The following BBX variants were observed in gnomAD, a reference collection of about 807,000 sequenced individuals.
BBX encodes the protein BBX high mobility group box domain containing.
In BBX, 30 loss-of-function variants were observed where a neutral mutation model predicts 100.2. That is an observed-to-expected ratio of 0.30 (90% CI 0.22 to 0.41). The LOEUF is 0.41. Ranked by LOEUF, BBX falls within the 10% of genes least tolerant of loss-of-function variation. The pLI is 1.00. For missense variants in BBX, 1,023 were observed against 1,129.8 expected, an observed-to-expected ratio of 0.91 and a Z score of 1.35; for synonymous variants, 376 against 388.1, an observed-to-expected ratio of 0.97 and a Z score of 0.37.
At chr3:107,563,807 G>A (rs2050683899) in intron 2 of BBX, among the ~76,000 whole-genome samples, 1 of 152,164 alleles carries the variant, frequency 6.6e-6, no homozygotes, top group Non-Finnish European at 1.5e-5. Context: ...TACAGGGCCT[G>A]ACATGTATTA....
intron 2 of BBX, among the ~76,000 whole-genome samples, chr3:107,590,012 C>T (rs1576416574): frequency 1.3e-5 from 2 of 151,460 alleles, no homozygotes; most frequent in African/African-American, 4.9e-5. Flanking sequence ...TTTTTTTTTA[C>T]CCCAAGAATA....
At chr3:107,618,697 C>G (rs1236630180) in intron 2 of BBX, among the ~76,000 whole-genome samples, 1 of 151,812 alleles carries the variant, frequency 6.6e-6, no homozygotes, top group Non-Finnish European at 1.5e-5. Flanking sequence ...GGGGTATTTT[C>G]CTGTTTTCTT....
intron 2 of BBX, among the ~76,000 whole-genome samples, chr3:107,590,346 A>T (rs2053214380): frequency 6.6e-6 from 1 of 152,138 alleles, no homozygotes; most frequent in South Asian, 2.1e-4. Context: ...AGATCAGCGT[A>T]GTTGGGATAT....
chr3:107,613,941 GTTT>G (rs533672871), intron 2 of BBX, among the ~76,000 whole-genome samples: 4 of 86,544 alleles, frequency 4.6e-5, no homozygotes, highest in African/African-American at 1.2e-4. Flanking sequence ...ACATACCATG[GTTT>G]TTTTTTTTTT....
chr3:107,666,204 G>C (rs71319269), intron 3 of BBX, among the ~76,000 whole-genome samples: 14,785 of 152,168 alleles, frequency 0.097, 845 homozygotes, highest in Non-Finnish European at 0.12. Context: ...TTAATTCTCT[G>C]TAGACTGTAA....
At chr3:107,590,608 C>T (rs927318495) in intron 2 of BBX, among the ~76,000 whole-genome samples, 1 of 152,214 alleles carries the variant, frequency 6.6e-6, no homozygotes, top group Non-Finnish European at 1.5e-5. Context: ...GAACTATACA[C>T]ATCTATCTTA....
chr3:107,596,913 T>C (rs2053702920), intron 2 of BBX, among the ~76,000 whole-genome samples: 1 of 152,208 alleles, frequency 6.6e-6, no homozygotes, highest in African/African-American at 2.4e-5. Context: ...TTTCACTCTG[T>C]AATGGCACTT....
At chr3:107,680,670 C>G (rs1030410110) in intron 3 of BBX, among the ~76,000 whole-genome samples, 1 of 152,134 alleles carries the variant, frequency 6.6e-6, no homozygotes, top group Non-Finnish European at 1.5e-5. Context: ...TTTTTAAAAG[C>G]TTCTTCGATT....
At chr3:107,772,121 C>G (rs1429597730) in intron 10 of BBX, among the ~76,000 whole-genome samples, 1 of 152,010 alleles carries the variant, frequency 6.6e-6, no homozygotes, top group Non-Finnish European at 1.5e-5. Context: ...ATTTGAAACA[C>G]TTTCGTTTTC....
intron 15 of BBX, among the ~76,000 whole-genome samples, chr3:107,795,948 C>G (rs1227846718): frequency 6.6e-6 from 1 of 152,192 alleles, no homozygotes; most frequent in Non-Finnish European, 1.5e-5. Flanking sequence ...AAAAACAGTG[C>G]TAGTCACAGG....
intron 2 of BBX, among the ~76,000 whole-genome samples, chr3:107,613,945 T>C (rs1442800220): frequency 1.8e-5 from 2 of 112,730 alleles, no homozygotes; most frequent in African/African-American, 9.2e-5. Context: ...ACCATGGTTT[T>C]TTTTTTTTTT....
In BBX at chr3:107,723,916, G is replaced by A. The variant is rs532851702; in HGVS notation, c.406-4849G>A. ...AGCAGCACGATTTATATTCCTTTGG[G>A]TATATACCCAGTAATGGGATGGCTG... On this transcript the variant is annotated intron_variant, in intron 5 of 17. Coordinates refer to ENST00000325805, the MANE Select transcript of BBX (RefSeq NM_001142568.3). Among the ~76,000 whole-genome samples the A allele has an allele frequency of 4.1e-4, 62 of 152,240 alleles. 1 individual carries two copies. Among genetic ancestry groups the A allele is most frequent in the South Asian group, 1.9e-3 (9 of 4,826 alleles).
At chr3:107,777,190 G>C (rs2067388667) in intron 12 of BBX, among the ~76,000 whole-genome samples, 1 of 152,006 alleles carries the variant, frequency 6.6e-6, no homozygotes, top group Admixed American at 6.6e-5. Context: ...GCATGTATAG[G>C]AACAAACGTA....
At chr3:107,684,092 C>A (rs2059711100) in intron 3 of BBX, among the ~76,000 whole-genome samples, 2 of 152,314 alleles carry the variant, frequency 1.3e-5, no homozygotes, top group Admixed American at 6.5e-5. Context: ...CATTAAAAGA[C>A]CCCAGATGGA....
At chr3:107,697,910 T>G (rs565273278) in intron 3 of BBX, among the ~76,000 whole-genome samples, 1 of 151,938 alleles carries the variant, frequency 6.6e-6, no homozygotes, top group Non-Finnish European at 1.5e-5. Flanking sequence ...TGCGCCATTT[T>G]TTAAGCTCGT....
intron 3 of BBX, among the ~76,000 whole-genome samples, chr3:107,673,053 T>C (rs1320598904): frequency 6.6e-6 from 1 of 152,074 alleles, no homozygotes; most frequent in African/African-American, 2.4e-5. Context: ...GGGAGTTAAA[T>C]TGGATAATCT....
chr3:107,692,767 C>A (rs1462753343), intron 3 of BBX, among the ~76,000 whole-genome samples: 1 of 149,724 alleles, frequency 6.7e-6, no homozygotes, highest in Non-Finnish European at 1.5e-5. Context: ...CCTGAGGAAT[C>A]GCCACGCTGA....
rs774412528 is a variant in BBX at position 107,773,374 on chromosome 3, A to C, written c.1653A>C (p.Arg551Ser). 3 of 1,613,906 alleles carry C rather than the reference A, an allele frequency of 1.9e-6. No individual in the cohort carries two copies. In the African/African-American group the frequency reaches 4.0e-5, roughly 22 times the overall value. Reference sequence around the variant, plus strand: ...CCTCAGACACCACCAAAGAGTCAAGACCTCCAGATTTCATTAGTATTTCTG... The same window carrying C: ...CCTCAGACACCACCAAAGAGTCAAGCCCTCCAGATTTCATTAGTATTTCTG... ...EKSSDTTKES[R>S]PPDFISISAS... Residue 551 changes from arginine to serine, a missense_variant, in exon 11 of 18, where the codon AGA becomes AGC. This residue lies in a region of BBX where 348 missense variants were observed against 353.2 expected (regional missense o/e 0.99). Coordinates refer to ENST00000325805, the MANE Select transcript of BBX (RefSeq NM_001142568.3). This position sits in a 1 kb window ranked among gnomAD's most constrained non-coding sequence, Gnocchi z 4.1.
intron 10 of BBX, among the ~76,000 whole-genome samples, chr3:107,765,335 C>G (rs2066296804): frequency 6.6e-6 from 1 of 152,104 alleles, no homozygotes; most frequent in South Asian, 2.1e-4. Flanking sequence ...AAAACTGAGG[C>G]ACAGAAAAAT....
Sources: gnomAD v4.1 joint callset for allele counts (sites outside exome capture counted in the v4.1 genomes callset) on GRCh38, gnomAD v4.1.1 for gene constraint, gnomAD v4.1.1 regional missense constraint, Gnocchi (gnomAD v3.1) non-coding constraint, MANE v1.5 for transcripts, NCBI Gene and HGNC (gene_info 2026-07-23, HGNC 2026-07-21) for gene names.